PIEZO2: variants seen among roughly 807,000 people sequenced by gnomAD.
The protein encoded by PIEZO2 is piezo type mechanosensitive ion channel component 2, also known as piezo-type mechanosensitive ion channel component 2.
A neutral mutation model predicts 337.3 loss-of-function variants in PIEZO2; 172 were observed. The ratio of observed to expected loss-of-function variants is 0.51; its 90% confidence interval spans 0.45 to 0.58. The LOEUF is 0.58. Ranked by LOEUF, PIEZO2 falls within the 20% of genes least tolerant of loss-of-function variation. PIEZO2 has a pLI of 0.00. For synonymous variants in PIEZO2, 1,251 were observed against 1,228.5 expected (o/e 1.02, Z -0.38); for missense variants, 3,028 against 3,391.3 (o/e 0.89, Z 2.66).
chr18:10,810,796 G>GA (rs959382031), intron 7 of PIEZO2, among the ~76,000 whole-genome samples: 1 of 152,122 alleles, frequency 6.6e-6, no homozygotes, highest in African/African-American at 2.4e-5. Context: ...GAAGATCCAA[G>GA]AAATAGGACA....
At chr18:10,787,505 G>A (rs192232193) in intron 15 of PIEZO2, among the ~76,000 whole-genome samples, 7 of 152,280 alleles carry the variant, frequency 4.6e-5, no homozygotes, top group South Asian at 2.1e-4. Flanking sequence ...CATAGGGGGC[G>A]CTCAAGGAAC....
In PIEZO2 at chr18:11,063,874, A is replaced by C. The variant is rs1598903975; in HGVS notation, c.160+2253T>G. Among the ~76,000 whole-genome samples the C allele has an allele frequency of 2.0e-5, 3 of 152,164 alleles. No individual in the cohort carries two copies. The South Asian group carries it at 6.2e-4, about 31-fold the overall frequency. ...AGTTTTCCCTAGAAAGCCATGCTGC[A>C]TTCACTCTTCCAGATCCATCATGCA... On this transcript the variant is annotated intron_variant, in intron 2 of 55. Coordinates refer to ENST00000674853, the MANE Select transcript of PIEZO2 (RefSeq NM_001378183.1).
At position 10,846,808 on chromosome 18, in the gene PIEZO2, A is replaced by T. The variant is rs2041379598; in HGVS notation, c.917+8545T>A. On this transcript the variant is annotated intron_variant, in intron 7 of 55. Coordinates refer to ENST00000674853, the MANE Select transcript of PIEZO2 (RefSeq NM_001378183.1). This position sits in a 1 kb window ranked among gnomAD's most constrained non-coding sequence, Gnocchi z 4.1. ...TGAGAGCAGTGAGCAGGAGATTTCC[A>T]GCAAAGGAAACAGTATAAGGGATGG... 6.6e-6 allele frequency among the ~76,000 whole-genome samples: 1 copy of T among 152,212 alleles called. No homozygotes were observed.
intron 2 of PIEZO2, among the ~76,000 whole-genome samples, chr18:10,985,190 C>T (rs151279605): frequency 1.3e-4 from 20 of 151,674 alleles, no homozygotes; most frequent in African/African-American, 2.7e-4. Flanking sequence ...ATCAGAATAC[C>T]GTAATGGTGA....
intron 2 of PIEZO2, among the ~76,000 whole-genome samples, chr18:11,036,830 AC>A (rs1321350196): frequency 2.0e-5 from 3 of 152,304 alleles, no homozygotes; most frequent in East Asian, 3.9e-4. Flanking sequence ...CAGGTCACAC[AC>A]TGACAGTTGT....
chr18:10,858,807 C>T (rs1480283599), intron 5 of PIEZO2, among the ~76,000 whole-genome samples: 8 of 152,118 alleles, frequency 5.3e-5, no homozygotes, highest in African/African-American at 1.9e-4. Flanking sequence ...CCAGCCAGCC[C>T]TCCACCCACC....
intron 3 of PIEZO2, among the ~76,000 whole-genome samples, chr18:10,978,632 G>A (rs2145481985): frequency 6.6e-6 from 1 of 152,176 alleles, no homozygotes; most frequent in Non-Finnish European, 1.5e-5. Context: ...AATACTGTTT[G>A]ATCCACGAAG....
chr18:11,046,527 C>T (rs747191979), intron 2 of PIEZO2, among the ~76,000 whole-genome samples: 1 of 152,238 alleles, frequency 6.6e-6, no homozygotes, highest in African/African-American at 2.4e-5. Flanking sequence ...AGTCAGCTAA[C>T]AAGTAATTGT....
chr18:10,907,271 C>G (rs895253867), intron 4 of PIEZO2, among the ~76,000 whole-genome samples: 1 of 151,836 alleles, frequency 6.6e-6, no homozygotes, highest in Non-Finnish European at 1.5e-5. Flanking sequence ...GGTGAAACCC[C>G]GTCTCTAATA....
intron 34 of PIEZO2, among the ~76,000 whole-genome samples, chr18:10,735,628 T>C (rs1860091697): frequency 6.6e-6 from 1 of 152,344 alleles, no homozygotes; most frequent in East Asian, 1.9e-4. Flanking sequence ...AAGTCATTAG[T>C]ATTTGATAAG....
intron 3 of PIEZO2, among the ~76,000 whole-genome samples, chr18:10,931,912 T>C (rs2032113686): frequency 6.6e-6 from 1 of 152,224 alleles, no homozygotes; most frequent in Non-Finnish European, 1.5e-5. Context: ...AGTATGTTTC[T>C]GTCTTTTTTG....
At chr18:10,812,489 A>G (rs919974678) in intron 7 of PIEZO2, among the ~76,000 whole-genome samples, 6 of 152,066 alleles carry the variant, frequency 3.9e-5, no homozygotes, top group African/African-American at 1.4e-4. Flanking sequence ...TTATAGATAT[A>G]ACAAACCTGA....
intron 1 of PIEZO2, among the ~76,000 whole-genome samples, chr18:11,118,495 G>T (rs7233213): frequency 2.0e-5 from 3 of 151,992 alleles, no homozygotes; most frequent in Non-Finnish European, 4.4e-5. Context: ...AGGCAGGATC[G>T]ATTGCATCTA....
intron 36 of PIEZO2, among the ~76,000 whole-genome samples, chr18:10,721,749 A>C (rs879926850): frequency 1.4e-4 from 21 of 152,208 alleles, no homozygotes; most frequent in Non-Finnish European, 2.4e-4. Context: ...ACACTGACAA[A>C]TGAGGCATTT....
chr18:10,992,588 T>C (rs146062473), intron 2 of PIEZO2, among the ~76,000 whole-genome samples: 1 of 152,302 alleles, frequency 6.6e-6, no homozygotes, highest in Non-Finnish European at 1.5e-5. Flanking sequence ...TTGGTCTATA[T>C]CTCTGTTTTG....
chr18:10,708,582 G>A (rs945123634), intron 39 of PIEZO2, 143 bp from the exon 40 acceptor site: 17 of 152,386 alleles, frequency 1.1e-4, no homozygotes, highest in South Asian at 6.2e-4. Context: ...CCACCGCAGC[G>A]GGGCTCAGGG....
chr18:10,786,905 A>T, intron 16 of PIEZO2, 131 bp downstream of exon 16: 1 of 921,318 alleles, frequency 1.1e-6, no homozygotes, highest in Non-Finnish European at 1.6e-6. Context: ...ACTCAGTTTT[A>T]ATTTCTATTA....
At chr18:11,117,404 T>G (rs764480603) in intron 1 of PIEZO2, among the ~76,000 whole-genome samples, 17 of 152,174 alleles carry the variant, frequency 1.1e-4, no homozygotes, top group Non-Finnish European at 2.4e-4. Flanking sequence ...ATTCTAGCCT[T>G]TGGGACCCTC....
rs1256372949 is a variant in PIEZO2, at chr18:11,112,934, TTCAAGCTGC to T, written c.64+35582_64+35590del. Among the ~76,000 whole-genome samples, 1 of 152,092 alleles carries T rather than the reference TTCAAGCTGC, an allele frequency of 6.6e-6. No homozygotes were observed. Among genetic ancestry groups the T allele is most frequent in the African/African-American group, 2.4e-5 (1 of 41,416 alleles). The stretch of plus-strand genomic sequence containing the variant: ...GACTGCCTCCCAGGGTTTTCTCAGG[TTCAAGCTGC>T]TCTCTAGATTCAGACCTACAGGATA... On this transcript the variant is annotated intron_variant, in intron 1 of 55. Transcript: ENST00000674853. The surrounding 1 kb of genome is among the most constrained non-coding windows in gnomAD (Gnocchi z 4.3).
Sources: gnomAD v4.1 joint callset for allele counts (sites outside exome capture counted in the v4.1 genomes callset) on GRCh38, gnomAD v4.1.1 for gene constraint, Gnocchi (gnomAD v3.1) non-coding constraint, MANE v1.5 for transcripts, NCBI Gene and HGNC (gene_info 2026-07-23, HGNC 2026-07-21) for gene names.